DTNA: variants seen among roughly 807,000 people sequenced by gnomAD.
DTNA encodes dystrophin-related protein 3.
In DTNA, 43 loss-of-function variants were observed where a neutral mutation model predicts 100.7. The observed-to-expected ratio is 0.43, with a 90% CI of 0.33 to 0.55. The LOEUF (loss-of-function observed/expected upper bound fraction) is 0.55. Among genes scored for constraint, DTNA ranks in the 20% least tolerant of loss-of-function variants. DTNA has a pLI of 0.04. For synonymous variants in DTNA, 349 were observed against 347.9 expected (o/e 1.00, Z -0.04); for missense variants, 798 against 953.9 (o/e 0.84, Z 2.15).
intron 1 of DTNA, among the ~76,000 whole-genome samples, chr18:34,500,941 C>T (rs2039853896): frequency 6.6e-6 from 1 of 152,024 alleles, no homozygotes; most frequent in South Asian, 2.1e-4. Context: ...ATCTATATGC[C>T]TTTTGTTTCC....
Position 34,812,093 on chromosome 18 carries a change from A to G in DTNA, c.583A>G (p.Arg195Gly), listed in dbSNP as rs1393863565. 6.2e-7 allele frequency: 1 copy of G among 1,614,088 alleles called. No individual in the cohort carries two copies. The highest frequency in any genetic ancestry group is 8.5e-7 in the Non-Finnish European group (1 of 1,179,946). The change falls in exon 6 of 23, where the codon AGA becomes GGA. Residue 195 changes from arginine to glycine, a missense_variant. Transcript: ENST00000444659. ...ATTTGGTTACACAGAACAGTCAGCCAGATCCTGTTTCTCCCAACAGGTAGG... is the reference window on the plus strand; with the variant it reads ...ATTTGGTTACACAGAACAGTCAGCCGGATCCTGTTTCTCCCAACAGGTAGG... ...PSFGYTEQSA[R>G]SCFSQQKKVT...
intron 1 of DTNA, among the ~76,000 whole-genome samples, chr18:34,598,217 C>CT (rs71159880): frequency 0.097 from 13,404 of 137,988 alleles, 694 homozygotes; most frequent in African/African-American, 0.14. Flanking sequence ...TTCTTTCTTT[C>CT]TTTTTTTTTT....
Position 34,829,335 on chromosome 18 carries a change from C to T in DTNA, c.1086-65C>T, listed in dbSNP as rs1602864856. On this transcript the variant is annotated intron_variant, in intron 10 of 22. Coordinates refer to ENST00000444659, the MANE Select transcript of DTNA (RefSeq NM_001386795.1). ...GCTGTGTACACTAAATGTCTTTCCT[C>T]TCTGAGTGGGCCTTGCTCTGTCCAT... The T allele has an allele frequency of 2.6e-6, 4 of 1,529,782 alleles. No individual in the cohort carries two copies. In the East Asian group the frequency reaches 9.8e-5, roughly 38 times the overall value. The allele number at this position is 1,529,782 out of a possible 1,614,324, so 94.8% of individuals were successfully genotyped here. A position where few individuals can be genotyped will look rare whatever the true frequency, so the allele number is the denominator to read the frequency against.
intron 17 of DTNA, among the ~76,000 whole-genome samples, chr18:34,873,933 G>A (rs915426931): frequency 2.4e-4 from 37 of 152,170 alleles, no homozygotes; most frequent in African/African-American, 8.9e-4. Context: ...ACCATTACAA[G>A]GTACTGTTGA....
At chr18:34,636,890 CTGTT>C (rs1278361567) in intron 1 of DTNA, among the ~76,000 whole-genome samples, 1 of 152,076 alleles carries the variant, frequency 6.6e-6, no homozygotes, top group East Asian at 1.9e-4. Flanking sequence ...ATTTAGTAAT[CTGTT>C]TGCTGACAGT....
At chr18:34,848,489 T>C (rs2096419793) in intron 14 of DTNA, 106 bp downstream of exon 14, 1 of 1,202,794 alleles carries the variant, frequency 8.3e-7, no homozygotes, top group African/African-American at 1.5e-5. Flanking sequence ...CAGGACAATT[T>C]GTGCTAATTT....
chr18:34,890,111 T>C lies in DTNA; in HGVS notation c.*2377T>C. ...GGCATATGTTGTTTCTTTGTGTTTC[T>C]ACATCAAAATGTTCGTCTAAGATTT... On this transcript the variant is annotated 3_prime_UTR_variant, in exon 23 of 23. Coordinates refer to ENST00000444659, the MANE Select transcript of DTNA (RefSeq NM_001386795.1). 1.4e-6 allele frequency: 2 copies of C among 1,404,190 alleles called. No homozygotes were observed. The highest frequency in any genetic ancestry group is 3.5e-5 in the South Asian group (2 of 57,840). 87.0% of individuals were successfully genotyped at this position (1,404,190 alleles called of 1,614,324 possible). A position where few individuals can be genotyped will look rare whatever the true frequency, so the allele number is the denominator to read the frequency against.
At chr18:34,779,142 T>A (rs2094201389) in intron 3 of DTNA, among the ~76,000 whole-genome samples, 1 of 152,192 alleles carries the variant, frequency 6.6e-6, no homozygotes, top group Admixed American at 6.5e-5. Flanking sequence ...TTCATGTAGC[T>A]TGCATTCTAG....
intron 11 of DTNA, among the ~76,000 whole-genome samples, chr18:34,835,092 G>C (rs2149668594): frequency 6.6e-6 from 1 of 152,222 alleles, no homozygotes; most frequent in East Asian, 1.9e-4. Context: ...TTTTCATCAT[G>C]CATTTGGCCT....
chr18:34,851,098 T>A (rs2096469563), intron 14 of DTNA, among the ~76,000 whole-genome samples: 1 of 152,102 alleles, frequency 6.6e-6, no homozygotes, highest in Non-Finnish European at 1.5e-5. Context: ...AAAACTATAT[T>A]TTTATTTATT....
chr18:34,691,947 A>C (rs898268247), intron 1 of DTNA, among the ~76,000 whole-genome samples: 3 of 152,204 alleles, frequency 2.0e-5, no homozygotes, highest in African/African-American at 7.2e-5. Flanking sequence ...ATGCACATAG[A>C]CTTTTGGGTT....
At chr18:34,886,466 A>C (rs765152068) in intron 22 of DTNA, among the ~76,000 whole-genome samples, 10 of 152,328 alleles carry the variant, frequency 6.6e-5, no homozygotes, top group Non-Finnish European at 1.0e-4. Flanking sequence ...CTTTAATAGC[A>C]CTTTCTTTCT....
chr18:34,531,453 C>A (rs891246563), intron 1 of DTNA, among the ~76,000 whole-genome samples: 3 of 152,220 alleles, frequency 2.0e-5, no homozygotes, highest in African/African-American at 7.2e-5. Context: ...TTAAAACTAT[C>A]TCATAAGTAA....
chr18:34,603,916 A>C (rs1446260908), intron 1 of DTNA, among the ~76,000 whole-genome samples: 1 of 152,164 alleles, frequency 6.6e-6, no homozygotes, highest in Admixed American at 6.5e-5. Context: ...AAAAAGAAAA[A>C]AATTATTGAG....
intron 9 of DTNA, among the ~76,000 whole-genome samples, chr18:34,823,668 G>T (rs904988403): frequency 2.0e-5 from 3 of 152,124 alleles, no homozygotes; most frequent in African/African-American, 2.4e-5. Flanking sequence ...GCTCTGTCTT[G>T]GTCATCCTCA....
intron 21 of DTNA, among the ~76,000 whole-genome samples, chr18:34,884,349 T>G (rs1036566412): frequency 6.6e-6 from 1 of 152,176 alleles, no homozygotes; most frequent in African/African-American, 2.4e-5. Flanking sequence ...ATGAGTAAAA[T>G]GAAGGGAATT....
At chr18:34,824,594 CT>C (rs2095810739) in intron 9 of DTNA, among the ~76,000 whole-genome samples, 21 of 151,960 alleles carry the variant, frequency 1.4e-4, no homozygotes. Context: ...TGTTAGTCCT[CT>C]AATATATATT....
At chr18:34,685,702 G>A (rs900816217) in intron 1 of DTNA, among the ~76,000 whole-genome samples, 10 of 152,148 alleles carry the variant, frequency 6.6e-5, no homozygotes, top group Non-Finnish European at 1.3e-4. Flanking sequence ...GATGGGAATG[G>A]CATTGAATCT....
At chr18:34,861,476 A>C (rs2096625438) in intron 16 of DTNA, among the ~76,000 whole-genome samples, 1 of 120,364 alleles carries the variant, frequency 8.3e-6, no homozygotes, top group African/African-American at 3.2e-5. Context: ...ACTGAGCGAG[A>C]CTCCGTCTCA....
Sources: allele counts gnomAD v4.1 joint callset (sites outside exome capture counted in the v4.1 genomes callset), GRCh38; gene constraint gnomAD v4.1.1; transcripts MANE v1.5; gene names NCBI Gene and HGNC (gene_info 2026-07-23, HGNC 2026-07-21).